The following MEIKIN variants were observed in gnomAD, a reference collection of about 807,000 sequenced individuals.
MEIKIN encodes the protein meiosis-specific kinetochore protein.
At chr5:131,925,912 C>T in intron 5 of MEIKIN, among the ~76,000 whole-genome samples, 1 of 152,172 alleles carries the variant, frequency 6.6e-6, no homozygotes, top group East Asian at 1.9e-4. Flanking sequence ...ATGTGATCTG[C>T]CCGCCTTGGC....
chr5:131,817,932 A>G (rs1360266508), intron 12 of MEIKIN, among the ~76,000 whole-genome samples: 1 of 152,214 alleles, frequency 6.6e-6, no homozygotes, highest in African/African-American at 2.4e-5. Flanking sequence ...TTCTGGCTGA[A>G]GCATAGTGAG....
chr5:131,875,078 T>G lies in MEIKIN; in HGVS notation c.774+3900A>C, dbSNP rs182055516. Among the ~76,000 whole-genome samples, 725 of 152,318 alleles carry G rather than the reference T, an allele frequency of 4.8e-3. 5 individuals carry two copies. Among genetic ancestry groups the G allele is most frequent in the African/African-American group, 0.017 (687 of 41,556 alleles). On this transcript the variant is annotated intron_variant, in intron 9 of 12. Transcript: ENST00000442687. ...AACTGGAAGCATTCCCTTTGAAAACTGGCACAAGACAGGGATGTCCTCTCT... is the reference window on the plus strand; with the variant it reads ...AACTGGAAGCATTCCCTTTGAAAACGGGCACAAGACAGGGATGTCCTCTCT...
intron 8 of MEIKIN, among the ~76,000 whole-genome samples, chr5:131,900,788 C>G (rs558837879): frequency 6.6e-5 from 10 of 152,218 alleles, no homozygotes; most frequent in South Asian, 4.1e-4. Context: ...CCTGGGAGAG[C>G]AGCATCATAG....
chr5:131,928,542 T>A (rs1438742352), intron 5 of MEIKIN, among the ~76,000 whole-genome samples: 1 of 152,212 alleles, frequency 6.6e-6, no homozygotes, highest in Non-Finnish European at 1.5e-5. Context: ...CTCCCCCTCC[T>A]GCACTTTATT....
rs185272022 is a variant in MEIKIN at position 131,917,111 on chromosome 5, T to G, written c.599-186A>C. Reference sequence around the variant, plus strand: ...AAAGTAAAAAAATGCTGCAAAATTTTATGAGATACAGGAATCTCTCCCTTG... The same window carrying G: ...AAAGTAAAAAAATGCTGCAAAATTTGATGAGATACAGGAATCTCTCCCTTG... On this transcript the variant is annotated intron_variant, in intron 6 of 12. Transcript: ENST00000442687. Among the ~76,000 whole-genome samples, 215 of 152,340 alleles carry G rather than the reference T, an allele frequency of 1.4e-3. 1 individual carries two copies. Among genetic ancestry groups the G allele is most frequent in the African/African-American group, 4.9e-3 (204 of 41,574 alleles).
intron 8 of MEIKIN, among the ~76,000 whole-genome samples, chr5:131,884,558 T>C (rs1750745855): frequency 6.6e-6 from 1 of 150,936 alleles, no homozygotes; most frequent in Non-Finnish European, 1.5e-5. Flanking sequence ...CCATGGCCCT[T>C]GGGTGAGACT....
rs372141975 is a variant in MEIKIN, at chr5:131,824,970, G to A, written c.976-6107C>T. The stretch of plus-strand genomic sequence containing the variant: ...AGAGGCTGAGGTGAGAGGATCACTT[G>A]AGTCCAGGAGTTCAAAGCCAAGCTG... On this transcript the variant is annotated intron_variant, in intron 11 of 12. Transcript: ENST00000442687. Among the ~76,000 whole-genome samples the A allele has an allele frequency of 9.9e-5, 15 of 152,110 alleles. No individual in the cohort carries two copies. The East Asian group carries it at 2.9e-3, about 29-fold the overall frequency.
Position 131,896,312 on chromosome 5 carries a change from G to A in MEIKIN, c.703+15503C>T, listed in dbSNP as rs146099318. ...GGAGTGCTTTACTTCCAATTATGTG[G>A]TCAATTTTAGAACAAGTCCAATGCG... On this transcript the variant is annotated intron_variant, in intron 8 of 12. Coordinates refer to ENST00000442687, the MANE Select transcript of MEIKIN (RefSeq NM_001303622.2). Among the ~76,000 whole-genome samples, 554 of 152,208 alleles carry A rather than the reference G, an allele frequency of 3.6e-3. 2 individuals are homozygous for A. Among genetic ancestry groups the A allele is most frequent in the African/African-American group, 0.013 (539 of 41,536 alleles).
chr5:131,888,486 C>T (rs1187530537), intron 8 of MEIKIN, among the ~76,000 whole-genome samples: 10 of 152,194 alleles, frequency 6.6e-5, no homozygotes, highest in Non-Finnish European at 1.5e-4. Flanking sequence ...TTTCATGTGT[C>T]CGTTGGCTGC....
intron 4 of MEIKIN, among the ~76,000 whole-genome samples, chr5:131,937,773 T>C (rs1311300806): frequency 6.6e-6 from 1 of 152,166 alleles, no homozygotes; most frequent in Non-Finnish European, 1.5e-5. Context: ...TGATCGCTTA[T>C]TGCAACTGAT....
At chr5:131,930,280 G>C (rs1400774656) in intron 5 of MEIKIN, among the ~76,000 whole-genome samples, 1 of 152,178 alleles carries the variant, frequency 6.6e-6, no homozygotes, top group Non-Finnish European at 1.5e-5. Flanking sequence ...CTAATGAGAA[G>C]AAGACATACT....
intron 12 of MEIKIN, among the ~76,000 whole-genome samples, chr5:131,813,995 C>T (rs1048046259): frequency 6.6e-6 from 1 of 152,074 alleles, no homozygotes; most frequent in African/African-American, 2.4e-5. Context: ...CATCCAGCAT[C>T]AGAGAAAGAT....
intron 8 of MEIKIN, among the ~76,000 whole-genome samples, chr5:131,897,981 T>C (rs555989829): frequency 2.6e-5 from 4 of 152,182 alleles, no homozygotes; most frequent in East Asian, 1.9e-4. Context: ...GGAGAAGAGG[T>C]GCTCTGGTTT....
At chr5:131,846,590 G>T (rs1750026982) in intron 11 of MEIKIN, among the ~76,000 whole-genome samples, 2 of 152,148 alleles carry the variant, frequency 1.3e-5, no homozygotes, top group South Asian at 2.1e-4. Context: ...AATCTCAGCT[G>T]CAGGCAGACT....
chr5:131,877,279 T>C (rs956258861), intron 9 of MEIKIN, among the ~76,000 whole-genome samples: 9 of 152,008 alleles, frequency 5.9e-5, no homozygotes, highest in Admixed American at 3.3e-4. Context: ...AAACAAAATA[T>C]ATAATTAATG....
intron 5 of MEIKIN, among the ~76,000 whole-genome samples, chr5:131,927,895 C>A (rs1751617288): frequency 6.6e-6 from 1 of 152,132 alleles, no homozygotes; most frequent in Admixed American, 6.5e-5. Context: ...CCTGTAATCC[C>A]AGCACTTTGG....
intron 8 of MEIKIN, among the ~76,000 whole-genome samples, chr5:131,909,868 T>C (rs1354438997): frequency 2.0e-5 from 3 of 152,046 alleles, no homozygotes; most frequent in Non-Finnish European, 4.4e-5. Context: ...AACTACAATG[T>C]CATATCATCT....
intron 7 of MEIKIN, among the ~76,000 whole-genome samples, chr5:131,916,277 A>C (rs1751414709): frequency 6.6e-6 from 1 of 152,174 alleles, no homozygotes; most frequent in Non-Finnish European, 1.5e-5. Flanking sequence ...CAATTCACCC[A>C]AAAAAACAGC....
chr5:131,863,251 G>A (rs1299829597), intron 9 of MEIKIN, among the ~76,000 whole-genome samples: 2 of 152,114 alleles, frequency 1.3e-5, no homozygotes, highest in Non-Finnish European at 2.9e-5. Context: ...TGAGAAGAAC[G>A]TTAATATGTA....
Sources: allele counts gnomAD v4.1 joint callset (sites outside exome capture counted in the v4.1 genomes callset), GRCh38; gene constraint gnomAD v4.1.1; transcripts MANE v1.5; gene names NCBI Gene and HGNC (gene_info 2026-07-23, HGNC 2026-07-21).